Variants in CCBE1 observed in about 807,000 individuals in gnomAD.
The protein encoded by CCBE1 is collagen and calcium-binding EGF domain-containing protein 1.
Under a neutral mutation model 50.0 loss-of-function variants are expected in CCBE1, and 37 were observed. That is an observed-to-expected ratio of 0.74 (90% confidence interval 0.57 to 0.97). The LOEUF is 0.97. Among genes scored for constraint, CCBE1 ranks in the 50% least tolerant of loss-of-function variants. The pLI is 0.00. For synonymous variants in CCBE1, 234 were observed against 203.7 expected (o/e 1.15, Z -1.27); for missense variants, 538 against 523.8 (o/e 1.03, Z -0.26).
chr18:59,533,973 T>G (rs1915147182), intron 2 of CCBE1, among the ~76,000 whole-genome samples: 1 of 152,232 alleles, frequency 6.6e-6, no homozygotes, highest in Non-Finnish European at 1.5e-5. Flanking sequence ...GTGCTCTGTG[T>G]TTCCATAAAC....
At chr18:59,570,709 C>T (rs1268646604) in intron 2 of CCBE1, among the ~76,000 whole-genome samples, 1 of 152,140 alleles carries the variant, frequency 6.6e-6, no homozygotes, top group Non-Finnish European at 1.5e-5. Context: ...CCAAGGGCCT[C>T]AGGCAGCTCA....
intron 3 of CCBE1, among the ~76,000 whole-genome samples, chr18:59,476,268 C>G (rs1028411642): frequency 1.3e-5 from 2 of 152,202 alleles, no homozygotes; most frequent in Admixed American, 6.5e-5. Flanking sequence ...CAAGCTTTAC[C>G]TGCTCTTCTG....
At chr18:59,606,995 G>A (rs904229267) in intron 2 of CCBE1, among the ~76,000 whole-genome samples, 5 of 150,944 alleles carry the variant, frequency 3.3e-5, no homozygotes, top group Non-Finnish European at 7.4e-5. Flanking sequence ...CCCAGTGACC[G>A]GTGCAGGGCC....
intron 2 of CCBE1, among the ~76,000 whole-genome samples, chr18:59,527,798 A>G (rs894390514): frequency 6.6e-6 from 1 of 152,190 alleles, no homozygotes; most frequent in African/African-American, 2.4e-5. Flanking sequence ...AAAAGGTTGA[A>G]TACTGGCCCC....
rs138986040 is a variant in CCBE1 at position 59,466,807 on chromosome 18, C to T, written c.485G>A (p.Arg162Gln). The T allele has an allele frequency of 5.5e-5, 88 of 1,613,770 alleles. 1 individual carries two copies. Among genetic ancestry groups the T allele is most frequent in the African/African-American group, 2.0e-4 (15 of 75,022 alleles). ...ATCATCTTCCCGGATGTAGCCTTCC[C>T]GGCACTCGCAGCGGTAGCTGCCCAA... is the stretch of plus-strand genomic sequence containing the variant. ...NTLGSYRCEC[R>Q]EGYIREDDGK... Residue 162 changes from arginine (R) to glutamine (Q), a missense_variant, in exon 5 of 11, where the codon CGG becomes CAG. Coordinates refer to ENST00000439986, the MANE Select transcript of CCBE1 (RefSeq NM_133459.4).
At chr18:59,514,609 T>C (rs1174163483) in intron 2 of CCBE1, among the ~76,000 whole-genome samples, 1 of 137,246 alleles carries the variant, frequency 7.3e-6, no homozygotes, top group Non-Finnish European at 1.6e-5. Context: ...AATTTAGGCA[T>C]GCTCTCCTGT....
intron 2 of CCBE1, among the ~76,000 whole-genome samples, chr18:59,642,807 GGCGTGATGGTA>G (rs1411131615): frequency 6.6e-6 from 1 of 152,004 alleles, no homozygotes; most frequent in African/African-American, 2.4e-5. Flanking sequence ...AAATTAGCCA[GGCGTGATGGTA>G]GGTGCCTGTA....
chr18:59,505,870 A>G (rs1450006387), intron 2 of CCBE1, among the ~76,000 whole-genome samples: 2 of 152,238 alleles, frequency 1.3e-5, no homozygotes, highest in Non-Finnish European at 2.9e-5. Context: ...AAACAGAAAT[A>G]GAAGGCACAC....
intron 2 of CCBE1, among the ~76,000 whole-genome samples, chr18:59,589,565 G>A (rs374102932): frequency 6.6e-6 from 1 of 152,136 alleles, no homozygotes; most frequent in African/African-American, 2.4e-5. Flanking sequence ...GGAGGCCGAG[G>A]TGGGTGGATC....
intron 6 of CCBE1, among the ~76,000 whole-genome samples, chr18:59,451,813 TA>T (rs1002736098): frequency 1.9e-4 from 29 of 151,892 alleles, no homozygotes; most frequent in Non-Finnish European, 3.1e-4. Flanking sequence ...AAATTAAAAA[TA>T]AAAAAAGTAA....
intron 2 of CCBE1, among the ~76,000 whole-genome samples, chr18:59,554,068 T>TCA (rs1222169441): frequency 6.6e-6 from 1 of 152,186 alleles, no homozygotes. Flanking sequence ...AGTGGTGCGA[T>TCA]CACAACTCAC....
At chr18:59,656,423 A>C (rs1257398068) in intron 2 of CCBE1, among the ~76,000 whole-genome samples, 1 of 152,248 alleles carries the variant, frequency 6.6e-6, no homozygotes, top group Non-Finnish European at 1.5e-5. Context: ...GAGAGCAACT[A>C]TTCAAACAAT....
At chr18:59,612,330 G>GAAAAAAAAAAAAAA (rs5825351) in intron 2 of CCBE1, among the ~76,000 whole-genome samples, 5 of 130,690 alleles carry the variant, frequency 3.8e-5, no homozygotes, top group Admixed American at 7.7e-5. Flanking sequence ...AGAAAAAAAA[G>GAAAAAAAAAAAAAA]AAAAAAAAAA....
At chr18:59,530,926 G>T (rs1244709578) in intron 2 of CCBE1, among the ~76,000 whole-genome samples, 2 of 152,140 alleles carry the variant, frequency 1.3e-5, no homozygotes, top group East Asian at 3.9e-4. Context: ...AATTATTTAT[G>T]ATGTTTTTTC....
At chr18:59,654,860 T>G (rs770568298) in intron 2 of CCBE1, among the ~76,000 whole-genome samples, 6 of 150,408 alleles carry the variant, frequency 4.0e-5, no homozygotes, top group Non-Finnish European at 7.4e-5. Flanking sequence ...CCCAGCACTT[T>G]GGGAGGCCGA....
chr18:59,581,581 A>T (rs538112977), intron 2 of CCBE1, among the ~76,000 whole-genome samples: 3 of 152,208 alleles, frequency 2.0e-5, no homozygotes, highest in Non-Finnish European at 4.4e-5. Flanking sequence ...ATGCTTAGAA[A>T]TAGCTCATGG....
intron 9 of CCBE1, 85 bp downstream of exon 9, chr18:59,439,458 C>A: frequency 6.6e-7 from 1 of 1,513,096 alleles, no homozygotes; most frequent in Non-Finnish European, 9.2e-7. Context: ...CAGAGCAAGA[C>A]CATCTCAAAA....
At chr18:59,525,522 T>G (rs1914783662) in intron 2 of CCBE1, among the ~76,000 whole-genome samples, 1 of 152,248 alleles carries the variant, frequency 6.6e-6, no homozygotes, top group African/African-American at 2.4e-5. Context: ...ATGGACAGAT[T>G]GCAAAAATTT....
intron 2 of CCBE1, among the ~76,000 whole-genome samples, chr18:59,561,012 C>T (rs191280218): frequency 1.3e-5 from 2 of 151,882 alleles, no homozygotes. Context: ...AGCGTCCCCC[C>T]ATTCCAAATG....
Sources: gnomAD v4.1 joint callset for allele counts (sites outside exome capture counted in the v4.1 genomes callset) on GRCh38, gnomAD v4.1.1 for gene constraint, MANE v1.5 for transcripts, NCBI Gene and HGNC (gene_info 2026-07-23, HGNC 2026-07-21) for gene names.